KCNN2: variants seen among roughly 807,000 people sequenced by gnomAD.
KCNN2 encodes potassium calcium-activated channel subfamily N member 2, also known as small conductance calcium-activated potassium channel protein 2.
In KCNN2, 24 loss-of-function variants were observed where a neutral mutation model predicts 55.5. The observed-to-expected ratio is 0.43, with a 90% CI of 0.31 to 0.61. The LOEUF is 0.61. KCNN2 is among the 20% of genes least tolerant of loss of function. KCNN2 has a pLI of 0.08. For synonymous variants in KCNN2, 431 were observed against 336.1 expected, an observed-to-expected ratio of 1.28 and a Z score of -3.09; for missense variants, 754 against 853.6, an observed-to-expected ratio of 0.88 and a Z score of 1.45.
chr5:114,493,546 GT>G, intron 7 of KCNN2, 74 bp downstream of exon 7: 1 of 1,017,476 alleles, frequency 9.8e-7, no homozygotes, highest in Admixed American at 1.7e-5. Flanking sequence ...AATCATGAAT[GT>G]TTCAAGAGGA....
chr5:114,342,762 A>G (rs1234462572), intron 2 of KCNN2, among the ~76,000 whole-genome samples: 1 of 152,242 alleles, frequency 6.6e-6, no homozygotes, highest in Non-Finnish European at 1.5e-5. Flanking sequence ...TAGGATCACC[A>G]TCAAAACACA....
intron 1 of KCNN2, among the ~76,000 whole-genome samples, chr5:114,149,117 C>T (rs1752463405): frequency 6.6e-6 from 1 of 152,090 alleles, no homozygotes; most frequent in Admixed American, 6.6e-5. Flanking sequence ...TAGGAATCAG[C>T]CTGGATTCCA....
chr5:114,485,397 C>T (rs1762399289), intron 5 of KCNN2, among the ~76,000 whole-genome samples: 1 of 152,146 alleles, frequency 6.6e-6, no homozygotes, highest in Admixed American at 6.6e-5. Context: ...GACTGCTGGC[C>T]AGTCACTTCC....
chr5:114,449,341 C>T (rs1760549298), intron 3 of KCNN2, among the ~76,000 whole-genome samples: 1 of 152,204 alleles, frequency 6.6e-6, no homozygotes, highest in Admixed American at 6.5e-5. Flanking sequence ...GCTGCGCATA[C>T]TCTGAGCAGC....
At chr5:114,352,837 G>C (rs1434093281) in intron 2 of KCNN2, among the ~76,000 whole-genome samples, 1 of 151,832 alleles carries the variant, frequency 6.6e-6, no homozygotes, top group African/African-American at 2.4e-5. Context: ...TGTTCCTTGT[G>C]CACGTGAGAA....
chr5:114,428,866 C>T (rs372918342), intron 3 of KCNN2, among the ~76,000 whole-genome samples: 47 of 152,170 alleles, frequency 3.1e-4, no homozygotes, highest in African/African-American at 1.1e-3. Context: ...TAGCAATATG[C>T]ATTTAAGATT....
In KCNN2 at chr5:114,342,070, T is replaced by G. The variant is rs549810109; in HGVS notation, c.-184-18875T>G. Among the ~76,000 whole-genome samples, 570 of 152,022 alleles carry G rather than the reference T, an allele frequency of 3.7e-3. 2 individuals carry two copies. The highest frequency in any genetic ancestry group is 0.013 in the African/African-American group (534 of 41,460). On this transcript the variant is annotated intron_variant, in intron 2 of 10. Coordinates refer to the KCNN2 transcript ENST00000512097. ...GCACCCGCCACCATGCCTGGCTAAT[T>G]TTTTGTATTTTTAGTAGAGACGGGG...
Position 114,068,513 on chromosome 5 carries a change from G to C in KCNN2, c.-271+12013G>C, listed in dbSNP as rs113995557. Among the ~76,000 whole-genome samples, 668 of 152,240 alleles carry C rather than the reference G, an allele frequency of 4.4e-3. 1 individual carries two copies. Among genetic ancestry groups the C allele is most frequent in the African/African-American group, 0.015 (633 of 41,538 alleles). On this transcript the variant is annotated intron_variant, in intron 1 of 10. Transcript: ENST00000512097. ...AGCTGCCCAAGTGACAGTTTATACT[G>C]TTTCCATGGGTAAAAAGCTCAGGCT...
chr5:114,347,721 C>A (rs73782204), intron 2 of KCNN2, among the ~76,000 whole-genome samples: 3 of 152,046 alleles, frequency 2.0e-5, no homozygotes, highest in Admixed American at 2.0e-4. Context: ...AAAAACATGA[C>A]CTTTACCTTG....
chr5:114,134,667 G>A (rs937564465), intron 1 of KCNN2, among the ~76,000 whole-genome samples: 4 of 151,864 alleles, frequency 2.6e-5, no homozygotes, highest in African/African-American at 9.7e-5. Flanking sequence ...GGTAGAGACG[G>A]AGTTTCACCA....
At chr5:114,247,772 A>G (rs1754776152) in intron 2 of KCNN2, among the ~76,000 whole-genome samples, 1 of 152,192 alleles carries the variant, frequency 6.6e-6, no homozygotes, top group African/African-American at 2.4e-5. Context: ...TATGTCTGAC[A>G]CACAGCAAGT....
intron 1 of KCNN2, among the ~76,000 whole-genome samples, chr5:114,158,146 G>GTT (rs1752681592): frequency 6.6e-6 from 1 of 150,734 alleles, no homozygotes; most frequent in Non-Finnish European, 1.5e-5. Context: ...GGTCTAACAT[G>GTT]TAAGTCTTTA....
At chr5:114,467,634 C>T (rs1254344277) in intron 4 of KCNN2, among the ~76,000 whole-genome samples, 1 of 152,056 alleles carries the variant, frequency 6.6e-6, no homozygotes, top group Non-Finnish European at 1.5e-5. Context: ...AGGCTAAATT[C>T]CCCACCAATG....
intron 3 of KCNN2, among the ~76,000 whole-genome samples, 181 bp downstream of exon 3, chr5:114,405,037 G>T (rs546351200): frequency 6.6e-6 from 1 of 152,254 alleles, no homozygotes; most frequent in South Asian, 2.1e-4. Flanking sequence ...TAGAGCAAAT[G>T]CCTTCATGCT....
At chr5:114,314,192 G>C (rs1756456216) in intron 2 of KCNN2, among the ~76,000 whole-genome samples, 1 of 151,962 alleles carries the variant, frequency 6.6e-6, no homozygotes, top group African/African-American at 2.4e-5. Flanking sequence ...AGCAATTTTA[G>C]GTTACTAAAA....
chr5:114,417,330 T>C (rs1260217731), intron 3 of KCNN2, among the ~76,000 whole-genome samples: 2 of 152,218 alleles, frequency 1.3e-5, no homozygotes, highest in East Asian at 3.8e-4. Flanking sequence ...GTTATGATAA[T>C]CTGCCTACTG....
intron 1 of KCNN2, among the ~76,000 whole-genome samples, chr5:114,094,692 T>C (rs1199855216): frequency 6.6e-6 from 1 of 152,198 alleles, no homozygotes. Context: ...AGAAACACTT[T>C]AAGTACCAAA....
At chr5:114,268,565 A>G (rs541798721) in intron 2 of KCNN2, among the ~76,000 whole-genome samples, 1 of 152,308 alleles carries the variant, frequency 6.6e-6, no homozygotes, top group East Asian at 1.9e-4. Flanking sequence ...TTTGCAGATG[A>G]TGCCTGAACC....
At chr5:114,426,247 G>A (rs959823618) in intron 3 of KCNN2, among the ~76,000 whole-genome samples, 1 of 152,074 alleles carries the variant, frequency 6.6e-6, no homozygotes, top group Admixed American at 6.5e-5. Context: ...AAATCCAAAG[G>A]GTGGTAGATT....
Sources: allele counts gnomAD v4.1 joint callset (sites outside exome capture counted in the v4.1 genomes callset), GRCh38; gene constraint gnomAD v4.1.1; transcripts MANE v1.5; gene names NCBI Gene and HGNC (gene_info 2026-07-23, HGNC 2026-07-21).